The following GALNTL6 variants were observed in gnomAD, a reference collection of about 807,000 sequenced individuals.
GALNTL6 encodes the protein polypeptide N-acetylgalactosaminyltransferase like 6, also known as polypeptide N-acetylgalactosaminyltransferase-like 6.
Under a neutral mutation model 73.7 loss-of-function variants are expected in GALNTL6, and 46 were observed. The observed-to-expected ratio is 0.62, with a 90% confidence interval of 0.49 to 0.80. GALNTL6 has a LOEUF of 0.80. GALNTL6 is among the 30% of genes least tolerant of loss of function. The probability of loss-of-function intolerance (pLI) is 0.00; values close to 1 mark genes in which losing one functional copy is unlikely to be tolerated. For missense variants in GALNTL6, 604 were observed against 755.0 expected (o/e 0.80, Z 2.34); for synonymous variants, 259 against 263.7 (o/e 0.98, Z 0.17).
intron 5 of GALNTL6, among the ~76,000 whole-genome samples, chr4:172,406,273 G>C (rs945011384): frequency 5.9e-5 from 9 of 151,922 alleles, no homozygotes; most frequent in Non-Finnish European, 4.4e-5. Flanking sequence ...CAATTCTTCT[G>C]CCTCAGCCAA....
intron 2 of GALNTL6, among the ~76,000 whole-genome samples, chr4:171,967,453 T>TGTTTTTTG (rs201757829): frequency 1.4e-5 from 2 of 141,380 alleles, no homozygotes; most frequent in African/African-American, 5.7e-5. Context: ...ATGGGTTTTT[T>TGTTTTTTG]TTTTTTTTTT....
At chr4:172,186,822 T>A (rs1735429993) in intron 2 of GALNTL6, among the ~76,000 whole-genome samples, 1 of 152,120 alleles carries the variant, frequency 6.6e-6, no homozygotes, top group Non-Finnish European at 1.5e-5. Context: ...CGTTTCCTTT[T>A]GGGGTGAAGA....
At chr4:172,779,356 A>G (rs561862883) in intron 5 of GALNTL6, among the ~76,000 whole-genome samples, 62 of 152,024 alleles carry the variant, frequency 4.1e-4, no homozygotes, top group Non-Finnish European at 7.9e-4. Flanking sequence ...CTAAGCCTCA[A>G]CTCTCCTAAA....
chr4:172,367,691 AT>A (rs1216225535), intron 5 of GALNTL6, among the ~76,000 whole-genome samples: 2 of 152,170 alleles, frequency 1.3e-5, no homozygotes, highest in South Asian at 2.1e-4. Flanking sequence ...AATTGTGCTA[AT>A]TTTTTAATGG....
chr4:172,257,730 A>C (rs999737945), intron 3 of GALNTL6, among the ~76,000 whole-genome samples: 4 of 151,288 alleles, frequency 2.6e-5, no homozygotes, highest in African/African-American at 9.7e-5. Context: ...AAAGGAAATT[A>C]GGTCTTTCAT....
chr4:172,205,112 G>A (rs1299447023), intron 2 of GALNTL6, among the ~76,000 whole-genome samples: 1 of 152,110 alleles, frequency 6.6e-6, no homozygotes, highest in Non-Finnish European at 1.5e-5. Context: ...TGCTTTATAT[G>A]TTTTCTCCAA....
chr4:172,994,470 A>G (rs771073092), intron 10 of GALNTL6, among the ~76,000 whole-genome samples: 1 of 152,226 alleles, frequency 6.6e-6, no homozygotes, highest in Non-Finnish European at 1.5e-5. Flanking sequence ...CCATTGCTTT[A>G]TAATTTAAGG....
chr4:172,558,372 C>G (rs1472249286), intron 5 of GALNTL6, among the ~76,000 whole-genome samples: 3 of 152,146 alleles, frequency 2.0e-5, no homozygotes, highest in Non-Finnish European at 2.9e-5. Context: ...CCCACTGTGA[C>G]TATATTTGGA....
At chr4:172,930,347 G>T (rs138033007) in intron 8 of GALNTL6, among the ~76,000 whole-genome samples, 1 of 152,046 alleles carries the variant, frequency 6.6e-6, no homozygotes, top group South Asian at 2.1e-4. Context: ...GTGGCGGGGG[G>T]AGAAATGAGA....
At chr4:172,098,225 G>T (rs889164864) in intron 2 of GALNTL6, among the ~76,000 whole-genome samples, 4 of 151,834 alleles carry the variant, frequency 2.6e-5, no homozygotes, top group African/African-American at 9.7e-5. Flanking sequence ...GATATCTATA[G>T]GATATGTATC....
intron 5 of GALNTL6, among the ~76,000 whole-genome samples, chr4:172,487,212 C>CTCCTTCCT (rs138742820): frequency 2.7e-5 from 4 of 148,574 alleles, no homozygotes; most frequent in Middle Eastern, 3.2e-3. Context: ...TTCTTTCTTT[C>CTCCTTCCT]TCCTTCCTTC....
chr4:172,460,635 A>G (rs187121493), intron 5 of GALNTL6, among the ~76,000 whole-genome samples: 46 of 152,376 alleles, frequency 3.0e-4, no homozygotes, highest in African/African-American at 1.1e-3. Context: ...ATCACTGGTC[A>G]TTAGAGACAT....
At chr4:172,463,372 G>A (rs1220934757) in intron 5 of GALNTL6, among the ~76,000 whole-genome samples, 1 of 150,966 alleles carries the variant, frequency 6.6e-6, no homozygotes, top group East Asian at 1.9e-4. Flanking sequence ...AAAACCTGAA[G>A]GAAGACTAGT....
intron 7 of GALNTL6, among the ~76,000 whole-genome samples, chr4:172,850,206 G>A (rs1004587064): frequency 2.0e-5 from 3 of 152,134 alleles, no homozygotes. Flanking sequence ...TTGGCATCTT[G>A]TGTAGGACAA....
chr4:172,257,539 A>AT lies in GALNTL6; in HGVS notation c.247+27776dup, dbSNP rs574289164. On this transcript the variant is annotated intron_variant, in intron 3 of 12. Coordinates refer to ENST00000506823, the MANE Select transcript of GALNTL6 (RefSeq NM_001034845.3). Reference sequence around the variant, plus strand: ...ATTTGTGCTCTAGCTACAAAATTCCATAGGTTTTGAGTGGTCTTTCACAGT... The same window carrying AT: ...ATTTGTGCTCTAGCTACAAAATTCCATTAGGTTTTGAGTGGTCTTTCACAGT... Among the ~76,000 whole-genome samples the AT allele has an allele frequency of 2.4e-3, 365 of 151,442 alleles. 3 individuals are homozygous for AT. The highest frequency in any genetic ancestry group is 8.5e-3 in the African/African-American group (351 of 41,470).
chr4:171,967,760 C>G (rs1296516773), intron 2 of GALNTL6, among the ~76,000 whole-genome samples: 1 of 152,018 alleles, frequency 6.6e-6, no homozygotes, highest in Non-Finnish European at 1.5e-5. Flanking sequence ...TTTTTTCCCC[C>G]ATTAAAAGTA....
intron 2 of GALNTL6, among the ~76,000 whole-genome samples, chr4:171,950,462 A>G (rs1738839784): frequency 6.8e-6 from 1 of 146,018 alleles, no homozygotes; most frequent in African/African-American, 2.5e-5. Flanking sequence ...GTGGGTGAGC[A>G]AAGTAAAATC....
At chr4:172,524,523 A>G (rs1208762187) in intron 5 of GALNTL6, among the ~76,000 whole-genome samples, 1 of 152,182 alleles carries the variant, frequency 6.6e-6, no homozygotes, top group African/African-American at 2.4e-5. Context: ...GCATGAATAC[A>G]ACGCAACTTA....
At chr4:171,905,179 A>G (rs2110950658) in intron 2 of GALNTL6, among the ~76,000 whole-genome samples, 1 of 152,198 alleles carries the variant, frequency 6.6e-6, no homozygotes, top group South Asian at 2.1e-4. Flanking sequence ...TAAATGCTCC[A>G]ATTAAAAGAC....
Sources: allele counts gnomAD v4.1 joint callset (sites outside exome capture counted in the v4.1 genomes callset), GRCh38; gene constraint gnomAD v4.1.1; transcripts MANE v1.5; gene names NCBI Gene and HGNC (gene_info 2026-07-23, HGNC 2026-07-21).